Variants in ABCB11 observed in about 807,000 individuals in gnomAD.
The protein encoded by ABCB11 is bile salt export pump.
In ABCB11, 95 loss-of-function variants were observed where a neutral mutation model predicts 148.0. The observed-to-expected ratio is 0.64, with a 90% CI of 0.54 to 0.76. ABCB11 has a LOEUF of 0.76. ABCB11 is among the 30% of genes least tolerant of loss of function. The pLI, the probability that ABCB11 is intolerant of heterozygous loss-of-function variation, is 0.00. For synonymous variants in ABCB11, 591 were observed against 555.4 expected, an observed-to-expected ratio of 1.06 and a Z score of -0.90; for missense variants, 1,523 against 1,617.8, an observed-to-expected ratio of 0.94 and a Z score of 1.01.
At chr2:168,941,882 G>T (rs1057119896) in intron 21 of ABCB11, among the ~76,000 whole-genome samples, 1 of 152,034 alleles carries the variant, frequency 6.6e-6, no homozygotes, top group Non-Finnish European at 1.5e-5. Context: ...TGCATAGTTA[G>T]TAGAATACAG....
In ABCB11 at chr2:168,923,837, T is replaced by A. The variant is rs1461005678; in HGVS notation, c.3766-15A>T. ...ACCTGCACCGTCTGCAAAGAGAAGATGGAAAGTTGATGCAAAGATGCATGA... is the reference window on the plus strand; with the variant it reads ...ACCTGCACCGTCTGCAAAGAGAAGAAGGAAAGTTGATGCAAAGATGCATGA... On this transcript the variant is annotated splice_polypyrimidine_tract_variant and intron_variant, in intron 27 of 27. Coordinates refer to ENST00000650372, the MANE Select transcript of ABCB11 (RefSeq NM_003742.4). The A allele has an allele frequency of 6.2e-7, 1 of 1,613,322 alleles. No individual in the cohort carries two copies. Among genetic ancestry groups the A allele is most frequent in the African/African-American group, 1.3e-5 (1 of 75,010 alleles).
chr2:168,926,355 C>A (rs1422927641), intron 26 of ABCB11, among the ~76,000 whole-genome samples: 1 of 152,164 alleles, frequency 6.6e-6, no homozygotes, highest in Non-Finnish European at 1.5e-5. Flanking sequence ...GGCAGTAATA[C>A]CAGTGGCCGC....
intron 5 of ABCB11, among the ~76,000 whole-genome samples, chr2:169,008,600 G>A (rs1433067674): frequency 6.6e-6 from 1 of 152,122 alleles, no homozygotes; most frequent in African/African-American, 2.4e-5. Flanking sequence ...TATCTTTGGG[G>A]GTCATTATTC....
intron 23 of ABCB11, among the ~76,000 whole-genome samples, chr2:168,933,045 C>T (rs966797994): frequency 6.8e-6 from 1 of 148,090 alleles, no homozygotes; most frequent in East Asian, 2.0e-4. Flanking sequence ...GGAGGCAGAG[C>T]TTGCAGTGAG....
chr2:168,920,499 G>T (rs1029998786), downstream of ABCB11, among the ~76,000 whole-genome samples: 3 of 147,126 alleles, frequency 2.0e-5, no homozygotes, highest in Non-Finnish European at 1.5e-5. Flanking sequence ...CTATCTTTTT[G>T]TTTTACTTTC....
intron 14 of ABCB11, 55 bp downstream of exon 14, chr2:168,971,792 T>G (rs1693587004): frequency 2.6e-6 from 4 of 1,534,350 alleles, no homozygotes; most frequent in Non-Finnish European, 3.6e-6. Flanking sequence ...ATTGTGCAAC[T>G]TTTTTTCCTT....
At chr2:168,934,964 C>A (rs1326102110) in intron 23 of ABCB11, among the ~76,000 whole-genome samples, 1 of 152,180 alleles carries the variant, frequency 6.6e-6, no homozygotes, top group East Asian at 1.9e-4. Flanking sequence ...GCTAGACAGG[C>A]CATGTGGAGA....
At chr2:168,925,634 C>T (rs1691274756) in intron 26 of ABCB11, among the ~76,000 whole-genome samples, 2 of 152,198 alleles carry the variant, frequency 1.3e-5, no homozygotes, top group Non-Finnish European at 2.9e-5. Context: ...ATCTTGCTCT[C>T]CTCTAAGTCC....
chr2:169,024,601 A>G (rs573598086), intron 1 of ABCB11, among the ~76,000 whole-genome samples: 8 of 152,216 alleles, frequency 5.3e-5, no homozygotes, highest in African/African-American at 1.7e-4. Flanking sequence ...ACCAATATTG[A>G]TACATTATTA....
intron 5 of ABCB11, among the ~76,000 whole-genome samples, chr2:169,005,242 C>A (rs1416044997): frequency 6.6e-6 from 1 of 151,990 alleles, no homozygotes; most frequent in Non-Finnish European, 1.5e-5. Flanking sequence ...AAGCAGTGGG[C>A]AGGGCCACAG....
At chr2:169,022,509 T>G (rs1258548633) in intron 1 of ABCB11, among the ~76,000 whole-genome samples, 2 of 151,904 alleles carry the variant, frequency 1.3e-5, no homozygotes, top group Non-Finnish European at 2.9e-5. Flanking sequence ...TATAAAGGAA[T>G]AGAAAACTTA....
chr2:169,006,533 G>T (rs1308718152), intron 5 of ABCB11, among the ~76,000 whole-genome samples: 1 of 151,416 alleles, frequency 6.6e-6, no homozygotes, highest in African/African-American at 2.4e-5. Context: ...CTGGAGGTTT[G>T]GGCCAAAACA....
intron 1 of ABCB11, among the ~76,000 whole-genome samples, chr2:169,026,226 G>C (rs1695689867): frequency 6.6e-6 from 1 of 152,128 alleles, no homozygotes; most frequent in Non-Finnish European, 1.5e-5. Context: ...AATGGAACAG[G>C]GTGTTCTTTT....
Position 168,935,359 on chromosome 2 carries a change from C to A in ABCB11, c.2881G>T (p.Glu961Ter). ...TTCTCCAGCTCAGTCTCAAGTGCTT[C>A]AATGAACCGCCTCTCCTTTCCAATT... ...AGIGKERRFI[E>*]ALETELEKPF... The change falls in exon 23 of 28, where the codon GAA (glutamate) becomes TAA (stop). Residue 961 changes from glutamate (E) to a stop codon, truncating the protein, a stop_gained. Transcript: ENST00000650372. LOFTEE classifies it high-confidence loss of function. 6.2e-7 allele frequency: 1 copy of A among 1,613,526 alleles called. No homozygotes were observed. The highest frequency in any genetic ancestry group is 8.5e-7 in the Non-Finnish European group (1 of 1,179,474).
chr2:168,972,880 C>G (rs928517356), intron 13 of ABCB11, among the ~76,000 whole-genome samples: 2 of 152,000 alleles, frequency 1.3e-5, no homozygotes, highest in African/African-American at 4.8e-5. Flanking sequence ...ATGAATGACC[C>G]TAGACAAGTT....
Position 168,921,365 on chromosome 2 carries a change from T to A in ABCB11, c.*2257A>T, listed in dbSNP as rs146036485. Among the ~76,000 whole-genome samples the A allele has an allele frequency of 3.6e-3, 545 of 152,266 alleles. 5 individuals carry two copies. The highest frequency in any genetic ancestry group is 0.01 in the Middle Eastern group (3 of 294). Reference sequence around the variant, plus strand: ...TTGTTGGCTAAGGGAAGAAAAACCATCTACGTAGAGTGAGCTTGGGAGGAA... The same window carrying A: ...TTGTTGGCTAAGGGAAGAAAAACCAACTACGTAGAGTGAGCTTGGGAGGAA... On this transcript the variant is annotated 3_prime_UTR_variant, in exon 28 of 28. Transcript: ENST00000650372.
intron 5 of ABCB11, among the ~76,000 whole-genome samples, chr2:169,003,624 T>G (rs1694942842): frequency 6.6e-6 from 1 of 152,088 alleles, no homozygotes; most frequent in Non-Finnish European, 1.5e-5. Context: ...GTGGGATTAC[T>G]GGATCAAACG....
At chr2:168,999,164 G>A (rs910202593) in intron 5 of ABCB11, among the ~76,000 whole-genome samples, 2 of 151,986 alleles carry the variant, frequency 1.3e-5, no homozygotes, top group African/African-American at 4.8e-5. Flanking sequence ...TAGCAAAGAA[G>A]GGAGAGAGAT....
rs956748621 is a variant in ABCB11, at chr2:169,016,643, A to C, written c.98+135T>G. On this transcript the variant is annotated intron_variant, in intron 3 of 27. Coordinates refer to ENST00000650372, the MANE Select transcript of ABCB11 (RefSeq NM_003742.4). ...CAAATTATAGTAATATTTTAAAGAG[A>C]AAAAGAATGGATTGTATATATTATT... 6 of 744,110 alleles carry C rather than the reference A, an allele frequency of 8.1e-6. No individual in the cohort carries two copies. The African/African-American group carries it at 9.0e-5, about 11-fold the overall frequency. 46.1% of individuals were successfully genotyped at this position (744,110 alleles called of 1,614,324 possible).
Sources: allele counts gnomAD v4.1 joint callset (sites outside exome capture counted in the v4.1 genomes callset), GRCh38; gene constraint gnomAD v4.1.1; transcripts MANE v1.5; gene names NCBI Gene and HGNC (gene_info 2026-07-23, HGNC 2026-07-21).